SLC8A3: variants seen among roughly 807,000 people sequenced by gnomAD.
SLC8A3 encodes the protein solute carrier family 8 member A3.
A neutral mutation model predicts 65.4 loss-of-function variants in SLC8A3; 37 were observed. The ratio of observed to expected loss-of-function variants is 0.57; its 90% CI spans 0.44 to 0.74. SLC8A3 has a LOEUF of 0.74. Ranked by LOEUF, SLC8A3 falls within the 30% of genes least tolerant of loss-of-function variation. The probability of loss-of-function intolerance (pLI) is 0.00; values close to 1 mark genes in which losing one functional copy is unlikely to be tolerated. For synonymous variants in SLC8A3, 461 were observed against 444.5 expected (o/e 1.04, Z -0.47); for missense variants, 1,112 against 1,172.1 (o/e 0.95, Z 0.75).
chr14:70,187,058 C>G (rs1883296212), intron 1 of SLC8A3: 1 of 152,334 alleles, frequency 6.6e-6, no homozygotes, highest in African/African-American at 2.4e-5. Flanking sequence ...CGGATGTGTT[C>G]CTATCACGTA....
At chr14:70,105,093 G>A (rs1348515943) in intron 2 of SLC8A3, among the ~76,000 whole-genome samples, 1 of 152,200 alleles carries the variant, frequency 6.6e-6, no homozygotes, top group African/African-American at 2.4e-5. Flanking sequence ...ACTTTGGGAG[G>A]CCGAGGCAGG....
chr14:70,145,628 T>C (rs1028132690), intron 2 of SLC8A3, among the ~76,000 whole-genome samples: 1 of 152,236 alleles, frequency 6.6e-6, no homozygotes, highest in African/African-American at 2.4e-5. Context: ...TGCCCAATGA[T>C]AGCAACACTG....
At chr14:70,139,892 A>T (rs1895453041) in intron 2 of SLC8A3, among the ~76,000 whole-genome samples, 1 of 152,176 alleles carries the variant, frequency 6.6e-6, no homozygotes, top group Non-Finnish European at 1.5e-5. Context: ...AGTGTGTGAC[A>T]ACCCCAGGCA....
chr14:70,053,532 T>C (rs1329182954), intron 3 of SLC8A3, among the ~76,000 whole-genome samples: 1 of 152,192 alleles, frequency 6.6e-6, no homozygotes, highest in Non-Finnish European at 1.5e-5. Flanking sequence ...TTCCACTCCT[T>C]CCTCCCCAAT....
chr14:70,044,363 G>GT lies in SLC8A3; in HGVS notation c.*1583dup, dbSNP rs1886511891. On this transcript the variant is annotated 3_prime_UTR_variant, in exon 7 of 7. Transcript: ENST00000356921. ...AAAAATGTGTTTAAAATTAACAGGT[G>GT]TTTTTTAATTTCTTCCCCCCCCCCC... The GT allele has an allele frequency of 6.9e-6, 1 of 144,922 alleles. No homozygotes were observed. The highest frequency in any genetic ancestry group is 1.5e-5 in the Non-Finnish European group (1 of 66,968). The allele number at this position is 144,922 out of a possible 1,614,324, so 9.0% of individuals were successfully genotyped here.
At chr14:70,082,193 C>A (rs1485193271) in intron 2 of SLC8A3, among the ~76,000 whole-genome samples, 2 of 152,188 alleles carry the variant, frequency 1.3e-5, no homozygotes, top group Non-Finnish European at 2.9e-5. Context: ...CCAAAACCGA[C>A]TGACCCTAAA....
chr14:70,100,407 G>T (rs1892483366), intron 2 of SLC8A3, among the ~76,000 whole-genome samples: 1 of 152,202 alleles, frequency 6.6e-6, no homozygotes, highest in Admixed American at 6.5e-5. Context: ...TGACTGCAGG[G>T]CTTCTCGATT....
intron 2 of SLC8A3, among the ~76,000 whole-genome samples, chr14:70,154,551 T>C (rs937541278): frequency 6.6e-6 from 1 of 152,190 alleles, no homozygotes; most frequent in Non-Finnish European, 1.5e-5. Context: ...CCACTTGCCA[T>C]GCTGGGTGCA....
At chr14:70,103,691 A>G (rs1345852077) in intron 2 of SLC8A3, among the ~76,000 whole-genome samples, 1 of 150,950 alleles carries the variant, frequency 6.6e-6, no homozygotes, top group Non-Finnish European at 1.5e-5. Flanking sequence ...AAAATGGAAT[A>G]CAAAAAAAAA....
At chr14:70,121,926 C>T (rs1321977461) in intron 2 of SLC8A3, among the ~76,000 whole-genome samples, 1 of 152,108 alleles carries the variant, frequency 6.6e-6, no homozygotes, top group African/African-American at 2.4e-5. Flanking sequence ...TTAGGACATC[C>T]TTTTTTCATA....
chr14:70,063,019 G>A (rs1182416087), intron 2 of SLC8A3, among the ~76,000 whole-genome samples: 1 of 152,208 alleles, frequency 6.6e-6, no homozygotes, highest in Non-Finnish European at 1.5e-5. Flanking sequence ...GAGGCCATGG[G>A]ATGTATGGGG....
Position 70,173,161 on chromosome 14 carries a change from T to C in SLC8A3, c.-62-4677A>G, listed in dbSNP as rs565741420. 4.6e-5 allele frequency among the ~76,000 whole-genome samples: 7 copies of C among 152,304 alleles called. No individual in the cohort carries two copies. The East Asian group carries it at 1.4e-3, about 29-fold the overall frequency. ...TAGGGTTGTAAACCAAAGAATGACATGGTATGATTCGTCTTTCAGAAATAC... is the reference window on the plus strand; with the variant it reads ...TAGGGTTGTAAACCAAAGAATGACACGGTATGATTCGTCTTTCAGAAATAC... On this transcript the variant is annotated intron_variant, in intron 1 of 6. Transcript: ENST00000356921.
intron 2 of SLC8A3, among the ~76,000 whole-genome samples, chr14:70,084,534 T>C (rs1891287967): frequency 6.6e-6 from 1 of 152,224 alleles, no homozygotes; most frequent in Non-Finnish European, 1.5e-5. Context: ...AAACTTGTCA[T>C]TGAAGTGACC....
At position 70,048,791 on chromosome 14, in the gene SLC8A3, C is replaced by T. The variant is rs144289733; in HGVS notation, c.2365G>A (p.Val789Met). 1.1e-3 allele frequency: 1,846 copies of T among 1,613,986 alleles called. 1 individual carries two copies. The highest frequency in any genetic ancestry group is 1.4e-3 in the Non-Finnish European group (1,697 of 1,179,980). Reference sequence around the variant, plus strand: ...CCTGGGACAGAGGTGCCAAATGCCACGAAAACAACAGCTGTGACTGAATCT... The same window carrying T: ...CCTGGGACAGAGGTGCCAAATGCCATGAAAACAACAGCTGTGACTGAATCT... ...LKDSVTAVVF[V>M]AFGTSVPDTF... Residue 789 changes from valine to methionine, a missense_variant, in exon 6 of 7, where the codon GTG becomes ATG. By Grantham distance (21) the Val-to-Met change is conservative. Transcript: ENST00000356921.
intron 2 of SLC8A3, among the ~76,000 whole-genome samples, chr14:70,127,179 G>T (rs1035716): frequency 2.0e-5 from 3 of 150,652 alleles, no homozygotes; most frequent in East Asian, 3.9e-4. Context: ...AAAGGATTGG[G>T]GGTAGGGGTG....
rs1452037516 is a variant in SLC8A3, at chr14:70,103,634, TA to T, written c.1785-42696del. Among the ~76,000 whole-genome samples, 5 of 150,178 alleles carry T rather than the reference TA, an allele frequency of 3.3e-5. No homozygotes were observed. The South Asian group carries it at 8.4e-4, about 25-fold the overall frequency. On this transcript the variant is annotated intron_variant, in intron 2 of 6. Coordinates refer to ENST00000356921, the MANE Select transcript of SLC8A3 (RefSeq NM_182932.3). ...ATATTGCTATCCCTAGAGCAAACAA[TA>T]AAAAATAATACAAAGATATATAGCT...
At chr14:70,154,161 T>C (rs978960979) in intron 2 of SLC8A3, among the ~76,000 whole-genome samples, 1 of 152,238 alleles carries the variant, frequency 6.6e-6, no homozygotes, top group Non-Finnish European at 1.5e-5. Context: ...GAATGCATTC[T>C]TAACTTCCTA....
At position 70,048,874 on chromosome 14, in the gene SLC8A3, A is replaced by T. The variant is rs1259070342; in HGVS notation, c.2282T>A (p.Met761Lys). The change falls in exon 6 of 7, where the codon ATG (methionine) becomes AAG (lysine). Residue 761 changes from methionine (M) to lysine (K), a missense_variant. Physicochemically the swap from Met to Lys is moderately conservative, Grantham distance 95. Transcript: ENST00000356921. ...CAGGTCCCCAATGATGGCGGTGAGC[A>T]TGCCAATGATGAGGATGGAGACGGC... Reference protein sequence around the residue: ...CFAVSILIIGMLTAIIGDLAS... With the variant: ...CFAVSILIIGKLTAIIGDLAS... 1 of 1,614,074 alleles carries T rather than the reference A, an allele frequency of 6.2e-7. No individual in the cohort carries two copies.
At chr14:70,164,540 A>G (rs1447590225) in intron 2 of SLC8A3, among the ~76,000 whole-genome samples, 2 of 152,216 alleles carry the variant, frequency 1.3e-5, no homozygotes, top group African/African-American at 4.8e-5. Flanking sequence ...GCTCATTTGC[A>G]CCAAGATATT....
Sources: gnomAD v4.1 joint callset for allele counts (sites outside exome capture counted in the v4.1 genomes callset) on GRCh38, gnomAD v4.1.1 for gene constraint, MANE v1.5 for transcripts, NCBI Gene and HGNC (gene_info 2026-07-23, HGNC 2026-07-21) for gene names.